SLC6A9: variants seen among roughly 807,000 people sequenced by gnomAD.
SLC6A9 encodes the protein sodium- and chloride-dependent glycine transporter 1.
Under a neutral mutation model 70.9 loss-of-function variants are expected in SLC6A9, and 31 were observed. The observed-to-expected ratio is 0.44, with a 90% CI of 0.33 to 0.59. The LOEUF (loss-of-function observed/expected upper bound fraction) is 0.59, where lower values mean the gene tolerates loss of function less well. Among genes scored for constraint, SLC6A9 ranks in the 20% least tolerant of loss-of-function variants. The pLI, the probability that SLC6A9 is intolerant of heterozygous loss-of-function variation, is 0.04. For missense variants in SLC6A9, 631 were observed against 845.2 expected (o/e 0.75, Z 3.14); for synonymous variants, 310 against 341.3 (o/e 0.91, Z 1.01).
In SLC6A9 at chr1:44,008,540, A is replaced by C. The variant is rs1253487394; in HGVS notation, c.403T>G (p.Phe135Val). 6.2e-7 allele frequency: 1 copy of C among 1,614,170 alleles called. No individual in the cohort carries two copies. The highest frequency in any genetic ancestry group is 1.7e-5 in the Admixed American group (1 of 60,034). Residue 135 changes from phenylalanine to valine, a missense_variant, in exon 5 of 14, where the codon TTC becomes GTC. Coordinates refer to ENST00000372310, the MANE Select transcript of SLC6A9 (RefSeq NM_001024845.3). ...GGCAGCACGTGCGTCATGGACGAGA[A>C]GAAGTAGTAGAAGGCGATGCAGATG... ...VVICIAFYYF[F>V]SSMTHVLPWA... is the part of the protein sequence containing the mutation.
rs143132872 is a variant in SLC6A9 at position 44,002,774 on chromosome 1, C to A, written c.723+79G>T. On this transcript the variant is annotated intron_variant, in intron 6 of 13. Coordinates refer to ENST00000372310, the MANE Select transcript of SLC6A9 (RefSeq NM_001024845.3). This position sits in a 1 kb window ranked among gnomAD's most constrained non-coding sequence, Gnocchi z 5.5. Reference sequence around the variant, plus strand: ...TCCGGAGTCCCTTCAGCATCCCCTCCCTGCAATACACACATAACCCAGGTA... The same window carrying A: ...TCCGGAGTCCCTTCAGCATCCCCTCACTGCAATACACACATAACCCAGGTA... 488 of 1,597,262 alleles carry A rather than the reference C, an allele frequency of 3.1e-4. 3 individuals are homozygous for A. The East Asian group carries it at 9.4e-3, about 31-fold the overall frequency.
At chr1:44,019,273 A>C (rs79003767) in intron 2 of SLC6A9, among the ~76,000 whole-genome samples, 1 of 152,210 alleles carries the variant, frequency 6.6e-6, no homozygotes, top group Admixed American at 6.5e-5. Flanking sequence ...TTAACTTCCC[A>C]TATCTTAACT....
intron 2 of SLC6A9, among the ~76,000 whole-genome samples, chr1:44,020,797 A>G (rs2086866968): frequency 6.6e-6 from 1 of 152,146 alleles, no homozygotes. Flanking sequence ...GGAAAAACAT[A>G]TGAGAACGCG....
Position 44,002,752 on chromosome 1 carries a change from G to A in SLC6A9, c.723+101C>T, listed in dbSNP as rs879499073. 4.8e-5 allele frequency: 76 copies of A among 1,593,432 alleles called. No individual in the cohort carries two copies. The Admixed American group carries it at 8.1e-4, about 17-fold the overall frequency. The stretch of plus-strand genomic sequence containing the variant: ...AGCCCCCTGGTCCCTCTCCGGCTCC[G>A]GAGTCCCTTCAGCATCCCCTCCCTG... On this transcript the variant is annotated intron_variant, in intron 6 of 13. Transcript: ENST00000372310. The surrounding 1 kb of genome is among the most constrained non-coding windows in gnomAD (Gnocchi z 5.5).
intron 1 of SLC6A9, among the ~76,000 whole-genome samples, chr1:44,026,613 C>G (rs1481408805): frequency 6.7e-6 from 1 of 149,654 alleles, no homozygotes; most frequent in Non-Finnish European, 1.5e-5. Context: ...GAGCCGAGAT[C>G]ACACCACTGT....
chr1:44,001,322 G>A (rs200466405), intron 9 of SLC6A9, 24 bp from the exon 10 acceptor site: 19 of 1,614,172 alleles, frequency 1.2e-5, no homozygotes, highest in Admixed American at 6.7e-5. Context: ...CTGTCAGATC[G>A]GAGACCTGCC....
rs747859764 is a variant in SLC6A9 at position 44,002,409 on chromosome 1, C to T, written c.866G>A (p.Gly289Asp). The change falls in exon 8 of 14, where the codon GGT becomes GAT. Residue 289 changes from glycine to aspartate, a missense_variant. Physicochemically the swap from Gly to Asp is moderately conservative, Grantham distance 94. Transcript: ENST00000372310. This position sits in a 1 kb window ranked among gnomAD's most constrained non-coding sequence, Gnocchi z 5.5. ...WDKILEAKVWGDAASQIFYSL... is the reference protein window; with the variant it reads ...WDKILEAKVWDDAASQIFYSL... ...GTAGAAGATCTGGGAGGCAGCATCA[C>T]CCCACACCTGCAGGGAAGGACCGGT... 3.7e-6 allele frequency: 6 copies of T among 1,613,910 alleles called. No individual in the cohort carries two copies. Among genetic ancestry groups the T allele is most frequent in the Non-Finnish European group, 4.2e-6 (5 of 1,179,908 alleles).
Position 44,001,241 on chromosome 1 carries a change from T to G in SLC6A9, c.1258A>C (p.Ile420Leu). The G allele has an allele frequency of 6.2e-7, 1 of 1,614,194 alleles. No individual in the cohort carries two copies. Among genetic ancestry groups the G allele is most frequent in the Non-Finnish European group, 8.5e-7 (1 of 1,180,028 alleles). The change falls in exon 10 of 14, where the codon ATC becomes CTC. Residue 420 changes from isoleucine to leucine, a missense_variant. Physicochemically the swap from Ile to Leu is conservative, Grantham distance 5. Coordinates refer to ENST00000372310, the MANE Select transcript of SLC6A9 (RefSeq NM_001024845.3). The stretch of plus-strand genomic sequence containing the variant: ...GTCACATAGGTCTTTTTCTGCAGGA[T>G]CCACTCATTCCCCACCTCATCCACA... ...AIVDEVGNEW[I>L]LQKKTYVTLG...
Position 44,009,940 on chromosome 1 carries a change from AGCGAGTGCCCC to A in SLC6A9, c.319+14_319+24del. The A allele has an allele frequency of 3.7e-6, 6 of 1,611,536 alleles. No homozygotes were observed. The highest frequency in any genetic ancestry group is 5.1e-6 in the Non-Finnish European group (6 of 1,178,638). ...GCCGTTGTGTGTTTGTGTATGTGTG[AGCGAGTGCCCC>A]GCCCAGGCCTCACCTTTGAACATGG... is the stretch of plus-strand genomic sequence containing the variant. On this transcript the variant is annotated intron_variant, in intron 4 of 13. Coordinates refer to ENST00000372310, the MANE Select transcript of SLC6A9 (RefSeq NM_001024845.3).
intron 2 of SLC6A9, chr1:44,017,223 C>T: frequency 6.5e-7 from 1 of 1,530,470 alleles, no homozygotes; most frequent in Non-Finnish European, 8.8e-7. Flanking sequence ...TTCACCTCAT[C>T]TCCTCCCGAA....
intron 5 of SLC6A9, among the ~76,000 whole-genome samples, chr1:44,007,889 T>C (rs1337985155): frequency 2.0e-5 from 2 of 97,918 alleles, no homozygotes; most frequent in Non-Finnish European, 3.8e-5. Flanking sequence ...CATTGCTTTC[T>C]TTCTTTTTTT....
intron 5 of SLC6A9, among the ~76,000 whole-genome samples, chr1:44,004,522 T>C (rs189923836): frequency 1.1e-3 from 172 of 152,028 alleles, no homozygotes; most frequent in African/African-American, 4.0e-3. Flanking sequence ...ATTTTTGTAT[T>C]TTTTGTAGAG....
intron 1 of SLC6A9, among the ~76,000 whole-genome samples, chr1:44,028,120 A>C (rs1305219208): frequency 6.6e-6 from 1 of 152,218 alleles, no homozygotes; most frequent in Non-Finnish European, 1.5e-5. Flanking sequence ...TAAGGGTCTA[A>C]AGAAGTTAAT....
At position 44,019,403 on chromosome 1, in the gene SLC6A9, C is replaced by T. The variant is rs1049599337; in HGVS notation, c.30+4845G>A. Among the ~76,000 whole-genome samples the T allele has an allele frequency of 4.6e-5, 7 of 152,362 alleles. No individual in the cohort carries two copies. The South Asian group carries it at 6.2e-4, about 14-fold the overall frequency. On this transcript the variant is annotated intron_variant, in intron 2 of 13. Transcript: ENST00000372310. ...TCCTAAGGATGGCCTCAGATCCTACCGACTCAGCTGCTCACTGAGCCAGCC... is the reference window on the plus strand; with the variant it reads ...TCCTAAGGATGGCCTCAGATCCTACTGACTCAGCTGCTCACTGAGCCAGCC...
intron 4 of SLC6A9, 59 bp downstream of exon 4, chr1:44,009,906 C>A: frequency 6.3e-7 from 1 of 1,583,172 alleles, no homozygotes; most frequent in Non-Finnish European, 8.6e-7. Flanking sequence ...GTTGGCACGG[C>A]CCTCAGAGGC....
chr1:44,000,837 A>T lies in SLC6A9; in HGVS notation c.1466T>A (p.Met489Lys). Residue 489 changes from methionine (M) to lysine (K), a missense_variant, in exon 12 of 14, where the codon ATG (methionine) becomes AAG (lysine). Transcript: ENST00000372310. ...GHRNYFQDIQ[M>K]MLGFPPPLFF... The stretch of plus-strand genomic sequence containing the variant: ...GAGGGGTGGTGGGAATCCCAGCATC[A>T]TCTGGATGTCCTGGAAGTAGTTCCG... 6.2e-7 allele frequency: 1 copy of T among 1,611,820 alleles called. No individual in the cohort carries two copies. The highest frequency in any genetic ancestry group is 8.5e-7 in the Non-Finnish European group (1 of 1,178,916).
Position 44,010,740 on chromosome 1 carries a change from T to C in SLC6A9, c.173A>G (p.Tyr58Cys), listed in dbSNP as rs201697918. ...GNVWRFPYLCYRNGGGAFMFP... is the reference protein window; with the variant it reads ...GNVWRFPYLCCRNGGGAFMFP... ...CCACTGGGTACCTCCCCCGTTGCGA[T>C]AGCAGAGGTATGGGAAGCGCCAGAC... Residue 58 changes from tyrosine (Y) to cysteine (C), a missense_variant, in exon 3 of 14, where the codon TAT becomes TGT. Tyr to Cys is a radical substitution (Grantham distance 194, BLOSUM62 -2). Transcript: ENST00000372310. 6.2e-7 allele frequency: 1 copy of C among 1,613,586 alleles called. No individual in the cohort carries two copies. Among genetic ancestry groups the C allele is most frequent in the African/African-American group, 1.3e-5 (1 of 74,938 alleles).
chr1:44,008,202 T>C (rs2086390987), intron 5 of SLC6A9, 151 bp downstream of exon 5: 1 of 735,546 alleles, frequency 1.4e-6, no homozygotes, highest in African/African-American at 1.8e-5. Flanking sequence ...ATCAGGCTCT[T>C]CTCCTAAACT....
At chr1:44,021,394 T>C (rs946833080) in intron 2 of SLC6A9, among the ~76,000 whole-genome samples, 2 of 152,166 alleles carry the variant, frequency 1.3e-5, no homozygotes, top group Non-Finnish European at 2.9e-5. Flanking sequence ...GCAGCAGGCA[T>C]GTGGGCCTGG....
Sources: gnomAD v4.1 joint callset for allele counts (sites outside exome capture counted in the v4.1 genomes callset) on GRCh38, gnomAD v4.1.1 for gene constraint, Gnocchi (gnomAD v3.1) non-coding constraint, MANE v1.5 for transcripts, NCBI Gene and HGNC (gene_info 2026-07-23, HGNC 2026-07-21) for gene names.